The following GPC5 variants were observed in gnomAD, a reference collection of about 807,000 sequenced individuals.
The protein encoded by GPC5 is glypican 5.
A neutral mutation model predicts 53.9 loss-of-function variants in GPC5; 47 were observed. The ratio of observed to expected loss-of-function variants is 0.87; its 90% confidence interval spans 0.69 to 1.11. The LOEUF (loss-of-function observed/expected upper bound fraction) is 1.11, where lower values mean the gene tolerates loss of function less well. GPC5 is among the 50% of genes most tolerant of loss of function. The pLI is 0.00. For missense variants in GPC5, 748 were observed against 713.1 expected (o/e 1.05, Z -0.56); for synonymous variants, 286 against 263.3 (o/e 1.09, Z -0.84).
At chr13:91,608,014 A>G (rs2033428878) in intron 2 of GPC5, among the ~76,000 whole-genome samples, 1 of 152,254 alleles carries the variant, frequency 6.6e-6, no homozygotes. Context: ...TATTTATTGT[A>G]GAAATGCTAT....
chr13:92,713,925 C>G (rs9561126), intron 7 of GPC5, among the ~76,000 whole-genome samples: 7,796 of 152,158 alleles, frequency 0.051, 576 homozygotes, highest in East Asian at 0.33. Flanking sequence ...CTGTAACAGA[C>G]TTTGTTCCCA....
intron 7 of GPC5, among the ~76,000 whole-genome samples, chr13:92,226,119 A>T (rs547990528): frequency 2.0e-5 from 3 of 152,266 alleles, no homozygotes; most frequent in African/African-American, 7.2e-5. Flanking sequence ...CTCTCCTGCC[A>T]CAAAGTAATA....
chr13:92,470,741 C>A (rs1878877149), intron 7 of GPC5, among the ~76,000 whole-genome samples: 1 of 152,106 alleles, frequency 6.6e-6, no homozygotes, highest in African/African-American at 2.4e-5. Context: ...TCTGATTATG[C>A]AATTTTAACC....
chr13:92,342,183 T>C (rs1265949316), intron 7 of GPC5, among the ~76,000 whole-genome samples: 1 of 152,174 alleles, frequency 6.6e-6, no homozygotes, highest in Non-Finnish European at 1.5e-5. Context: ...GCAGCTACTT[T>C]GACCTATTCA....
intron 7 of GPC5, among the ~76,000 whole-genome samples, chr13:92,360,658 C>T (rs1279203096): frequency 6.6e-6 from 1 of 151,644 alleles, no homozygotes; most frequent in Non-Finnish European, 1.5e-5. Flanking sequence ...AAAAAAATGG[C>T]ATCCAAGAAG....
intron 7 of GPC5, among the ~76,000 whole-genome samples, chr13:92,324,855 G>T (rs139833486): frequency 7.4e-4 from 113 of 151,818 alleles, no homozygotes; most frequent in African/African-American, 2.5e-3. Context: ...GATGGACTTC[G>T]ACCAAGATCA....
chr13:92,746,813 A>T (rs1451415974), intron 7 of GPC5, among the ~76,000 whole-genome samples: 1 of 152,122 alleles, frequency 6.6e-6, no homozygotes, highest in Non-Finnish European at 1.5e-5. Flanking sequence ...TCATTAACAT[A>T]TACAGTCATG....
chr13:91,551,689 T>G (rs1015341261), intron 2 of GPC5, among the ~76,000 whole-genome samples: 1 of 152,110 alleles, frequency 6.6e-6, no homozygotes, highest in Admixed American at 6.6e-5. Flanking sequence ...TGACCTTTGT[T>G]TCTTTTCTGT....
rs71123435 is a variant in GPC5, at chr13:92,751,303, TAAA to T, written c.1562-114949_1562-114947del. Among the ~76,000 whole-genome samples, 74 of 38,764 alleles carry T rather than the reference TAAA, an allele frequency of 1.9e-3. 1 individual carries two copies. The highest frequency in any genetic ancestry group is 0.015 in the East Asian group (28 of 1,920). 25.4% of individuals were successfully genotyped at this position (38,764 alleles called of 152,430 possible). ...AAACCTTTGGTCATCCAGAAACATTTAAAAAAAAAAAAAAAAAAAAAAAAAAAA... is the reference window on the plus strand; with the variant it reads ...AAACCTTTGGTCATCCAGAAACATTTAAAAAAAAAAAAAAAAAAAAAAAAA... On this transcript the variant is annotated intron_variant, in intron 7 of 7. Transcript: ENST00000377067.
chr13:91,813,928 T>G (rs2038356734), intron 5 of GPC5, among the ~76,000 whole-genome samples: 6 of 110,484 alleles, frequency 5.4e-5, no homozygotes, highest in African/African-American at 7.3e-5. Flanking sequence ...TGATTTTTTT[T>G]TTTTTTTTTT....
chr13:91,888,112 C>A lies in GPC5; in HGVS notation c.1281-19825C>A, dbSNP rs961211973. Reference sequence around the variant, plus strand: ...GAGGTTTAATGGATACACAGTTCCACATAGCTGGGGAGGCCTCACAATCAT... The same window carrying A: ...GAGGTTTAATGGATACACAGTTCCAAATAGCTGGGGAGGCCTCACAATCAT... On this transcript the variant is annotated intron_variant, in intron 5 of 7. Transcript: ENST00000377067. Among the ~76,000 whole-genome samples, 3 of 152,180 alleles carry A rather than the reference C, an allele frequency of 2.0e-5. No homozygotes were observed. In the East Asian group the frequency reaches 5.8e-4, roughly 29 times the overall value.
intron 6 of GPC5, among the ~76,000 whole-genome samples, chr13:92,040,967 C>T (rs1031776629): frequency 1.1e-4 from 17 of 152,324 alleles, no homozygotes; most frequent in African/African-American, 3.8e-4. Flanking sequence ...TCTCCTGCCT[C>T]AGCCTCCCGA....
chr13:92,126,422 T>C (rs534581673), intron 6 of GPC5, among the ~76,000 whole-genome samples: 1 of 152,338 alleles, frequency 6.6e-6, no homozygotes, highest in African/African-American at 2.4e-5. Flanking sequence ...GGACAAATTA[T>C]TTAAGTTTGT....
chr13:91,713,958 C>T (rs2036281591), intron 3 of GPC5, among the ~76,000 whole-genome samples: 1 of 152,142 alleles, frequency 6.6e-6, no homozygotes, highest in Non-Finnish European at 1.5e-5. Flanking sequence ...CTCTCTCCTC[C>T]ACTGCCCTAT....
intron 5 of GPC5, among the ~76,000 whole-genome samples, chr13:91,865,027 C>A (rs2039068971): frequency 6.6e-6 from 1 of 151,768 alleles, no homozygotes; most frequent in South Asian, 2.1e-4. Flanking sequence ...GCCTCAGCCT[C>A]CAGCCTCCTG....
intron 5 of GPC5, among the ~76,000 whole-genome samples, chr13:91,784,515 G>A (rs1384941621): frequency 2.6e-5 from 4 of 152,032 alleles, no homozygotes; most frequent in Admixed American, 6.6e-5. Flanking sequence ...ACCTGAGGTC[G>A]GAAGTTGGAG....
At chr13:91,546,535 T>C (rs2030298830) in intron 2 of GPC5, among the ~76,000 whole-genome samples, 1 of 152,098 alleles carries the variant, frequency 6.6e-6, no homozygotes, top group Non-Finnish European at 1.5e-5. Context: ...TAAAATTTTT[T>C]CTTCTCAATG....
intron 5 of GPC5, among the ~76,000 whole-genome samples, chr13:91,861,513 T>C (rs1289299818): frequency 6.6e-6 from 1 of 152,064 alleles, no homozygotes; most frequent in Non-Finnish European, 1.5e-5. Flanking sequence ...CATTGTATTT[T>C]GCTGATACAG....
chr13:92,763,072 A>G (rs1875253336), intron 7 of GPC5, among the ~76,000 whole-genome samples: 1 of 151,952 alleles, frequency 6.6e-6, no homozygotes, highest in Non-Finnish European at 1.5e-5. Flanking sequence ...TTTCTTACAA[A>G]TTATTTTTTA....
Sources: allele counts gnomAD v4.1 joint callset (sites outside exome capture counted in the v4.1 genomes callset), GRCh38; gene constraint gnomAD v4.1.1; transcripts MANE v1.5; gene names NCBI Gene and HGNC (gene_info 2026-07-23, HGNC 2026-07-21).